NRG1: variants seen among roughly 807,000 people sequenced by gnomAD.
NRG1 encodes neuregulin 1.
Under a neutral mutation model 63.8 loss-of-function variants are expected in NRG1, and 18 were observed. The observed-to-expected ratio is 0.28, with a 90% CI of 0.19 to 0.42. The LOEUF (loss-of-function observed/expected upper bound fraction) is 0.42, where lower values mean the gene tolerates loss of function less well. NRG1 is among the 10% of genes least tolerant of loss of function. The pLI is 1.00. For synonymous variants in NRG1, 302 were observed against 301.3 expected (o/e 1.00, Z -0.02); for missense variants, 762 against 814.7 (o/e 0.94, Z 0.79).
intron 1 of NRG1, among the ~76,000 whole-genome samples, chr8:32,016,589 G>A (rs1815581054): frequency 6.6e-6 from 1 of 151,964 alleles, no homozygotes. Flanking sequence ...AATGAGTTTT[G>A]TTCTGTCTTT....
intron 1 of NRG1, among the ~76,000 whole-genome samples, chr8:31,985,444 A>T (rs1809901083): frequency 6.6e-6 from 1 of 152,136 alleles, no homozygotes; most frequent in Non-Finnish European, 1.5e-5. Flanking sequence ...TGTAAAGAGC[A>T]CATTTCATGG....
chr8:32,773,698 C>T (rs1831936905), intron 7 of NRG1, among the ~76,000 whole-genome samples: 1 of 152,180 alleles, frequency 6.6e-6, no homozygotes, highest in Non-Finnish European at 1.5e-5. Context: ...CTTCCTTTCA[C>T]TCCCCTGGGC....
chr8:31,662,238 A>G (rs547337982), intron 1 of NRG1, among the ~76,000 whole-genome samples: 1 of 152,344 alleles, frequency 6.6e-6, no homozygotes, highest in South Asian at 2.1e-4. Context: ...CCAAGTGATC[A>G]AAAGCTGTAA....
intron 1 of NRG1, among the ~76,000 whole-genome samples, chr8:32,067,339 G>A (rs568752678): frequency 3.3e-4 from 50 of 152,178 alleles, no homozygotes; most frequent in Admixed American, 5.9e-4. Context: ...CATAGACAGC[G>A]CTTATTATTT....
At chr8:32,320,821 A>AT (rs1801298000) in intron 1 of NRG1, among the ~76,000 whole-genome samples, 1 of 152,172 alleles carries the variant, frequency 6.6e-6, no homozygotes, top group African/African-American at 2.4e-5. Flanking sequence ...CCTCTGAGAC[A>AT]TTGTATGGTC....
intron 1 of NRG1, among the ~76,000 whole-genome samples, chr8:32,235,383 A>G (rs954454762): frequency 6.6e-6 from 1 of 152,108 alleles, no homozygotes; most frequent in African/African-American, 2.4e-5. Context: ...AGGGTGCAAG[A>G]TTCTGTCTCC....
At chr8:32,191,071 A>G (rs1302876388) in intron 1 of NRG1, among the ~76,000 whole-genome samples, 2 of 151,930 alleles carry the variant, frequency 1.3e-5, no homozygotes, top group African/African-American at 4.8e-5. Context: ...GCCTGGAACA[A>G]AGTTATCAGT....
chr8:32,193,384 G>A (rs1223854184), intron 1 of NRG1, among the ~76,000 whole-genome samples: 1 of 151,814 alleles, frequency 6.6e-6, no homozygotes, highest in Non-Finnish European at 1.5e-5. Flanking sequence ...CTAGGAAAAT[G>A]GTTATTCCAT....
At chr8:31,847,993 G>A (rs1826847134) in intron 1 of NRG1, among the ~76,000 whole-genome samples, 1 of 152,062 alleles carries the variant, frequency 6.6e-6, no homozygotes, top group Non-Finnish European at 1.5e-5. Flanking sequence ...ATGACACTAG[G>A]GTTCCTAAAT....
downstream of NRG1, chr8:32,768,015 A>C (rs1456130819): frequency 6.6e-6 from 1 of 152,268 alleles, no homozygotes; most frequent in Middle Eastern, 3.4e-3. Context: ...AGCACCTTTC[A>C]TCTCATTCCC....
At chr8:31,937,063 A>G (rs1291127913) in intron 1 of NRG1, among the ~76,000 whole-genome samples, 1 of 152,228 alleles carries the variant, frequency 6.6e-6, no homozygotes, top group Non-Finnish European at 1.5e-5. Context: ...CCAACATCTC[A>G]TACATAAACT....
At chr8:32,581,475 G>A (rs1327399095) in intron 1 of NRG1, among the ~76,000 whole-genome samples, 3 of 152,110 alleles carry the variant, frequency 2.0e-5, no homozygotes, top group South Asian at 2.1e-4. Flanking sequence ...TTGCTCATTC[G>A]TTCTTCCATT....
At chr8:32,509,932 T>C (rs1224249784) in intron 1 of NRG1, among the ~76,000 whole-genome samples, 1 of 152,108 alleles carries the variant, frequency 6.6e-6, no homozygotes, top group East Asian at 1.9e-4. Flanking sequence ...CCTACAATTA[T>C]TGCTACAGGG....
intron 1 of NRG1, among the ~76,000 whole-genome samples, chr8:32,275,101 C>A (rs1364308653): frequency 1.3e-5 from 2 of 152,146 alleles, no homozygotes; most frequent in East Asian, 3.9e-4. Flanking sequence ...AAGAGAGCAT[C>A]CCACAACATT....
chr8:32,305,524 A>G (rs1379530637), intron 1 of NRG1, among the ~76,000 whole-genome samples: 2 of 152,226 alleles, frequency 1.3e-5, no homozygotes, highest in Admixed American at 6.5e-5. Context: ...AAAGAGAAGT[A>G]GACAAATAAG....
chr8:32,489,714 C>G (rs7002732), intron 1 of NRG1, among the ~76,000 whole-genome samples: 116,292 of 152,178 alleles, frequency 0.76, 44,694 homozygotes, highest in East Asian at 0.89. Context: ...TCTGTAAAAG[C>G]ATTTCACTTA....
In NRG1 at chr8:32,470,371, C is replaced by A. The variant is rs13267555; in HGVS notation, c.38-125457C>A. On this transcript the variant is annotated intron_variant, in intron 1 of 10. Transcript: ENST00000519301. The stretch of plus-strand genomic sequence containing the variant: ...AATTTATTTATTTTTTTCTTTTTTT[C>A]TTTTTTGTATTTTTAATAGAGACGG... Among the ~76,000 whole-genome samples, 38 of 150,416 alleles carry A rather than the reference C, an allele frequency of 2.5e-4. 1 individual carries two copies. Among genetic ancestry groups the A allele is most frequent in the South Asian group, 1.7e-3 (8 of 4,714 alleles).
intron 1 of NRG1, among the ~76,000 whole-genome samples, chr8:32,506,843 G>A (rs1032295996): frequency 5.3e-5 from 8 of 151,886 alleles, no homozygotes; most frequent in African/African-American, 7.3e-5. Flanking sequence ...TTGCACCACC[G>A]CACTCTAGCC....
chr8:32,393,494 C>G (rs1408404333), intron 1 of NRG1, among the ~76,000 whole-genome samples: 1 of 152,130 alleles, frequency 6.6e-6, no homozygotes, highest in East Asian at 1.9e-4. Context: ...AAATGCCCAT[C>G]AACAGTAAAC....
Sources: allele counts gnomAD v4.1 joint callset (sites outside exome capture counted in the v4.1 genomes callset), GRCh38; gene constraint gnomAD v4.1.1; transcripts MANE v1.5; gene names NCBI Gene and HGNC (gene_info 2026-07-23, HGNC 2026-07-21).